The following SLC38A1 variants were observed in gnomAD, a reference collection of about 807,000 sequenced individuals.
The protein encoded by SLC38A1 is sodium-coupled neutral amino acid symporter 1.
SLC38A1 carries 18 observed loss-of-function variants against 60.3 expected under a neutral mutation model. The observed-to-expected ratio is 0.30, with a 90% CI of 0.21 to 0.44. SLC38A1 has a LOEUF of 0.44. Among genes scored for constraint, SLC38A1 ranks in the 20% least tolerant of loss-of-function variants. SLC38A1 has a pLI of 1.00. For synonymous variants in SLC38A1, 196 were observed against 212.1 expected, an observed-to-expected ratio of 0.92 and a Z score of 0.66; for missense variants, 448 against 587.2, an observed-to-expected ratio of 0.76 and a Z score of 2.45.
At chr12:46,227,356 T>C (rs1241893378) in intron 5 of SLC38A1, among the ~76,000 whole-genome samples, 1 of 152,192 alleles carries the variant, frequency 6.6e-6, no homozygotes, top group Non-Finnish European at 1.5e-5. Context: ...ACAATGGATC[T>C]AGCAAAGAAG....
intron 1 of SLC38A1, among the ~76,000 whole-genome samples, chr12:46,255,934 C>T (rs761960946): frequency 5.3e-5 from 8 of 151,938 alleles, no homozygotes; most frequent in African/African-American, 9.7e-5. Context: ...GAGGCCGAGG[C>T]GGGTGGATCA....
At chr12:46,223,874 T>G (rs1940760106) in intron 5 of SLC38A1, among the ~76,000 whole-genome samples, 1 of 152,198 alleles carries the variant, frequency 6.6e-6, no homozygotes, top group Admixed American at 6.5e-5. Context: ...TAAAAAGCAT[T>G]TATTGCTTTA....
In SLC38A1 at chr12:46,229,624, A is replaced by G. The variant is rs767589121; in HGVS notation, c.138T>C (p.Asp46=). ...TTGTGAGACTTCTTCTACTTTCACG[A>G]TCAGAAATAAACTTGCTGTAAAGAC... ...NGQINSKFIS[D]RESRRSLTNS... is the part of the protein sequence containing the mutation. Residue 46 remains aspartate (D), a synonymous_variant, in exon 4 of 17, where the codon GAT becomes GAC. Transcript: ENST00000398637. 6.2e-7 allele frequency: 1 copy of G among 1,613,570 alleles called. No individual in the cohort carries two copies. Among genetic ancestry groups the G allele is most frequent in the East Asian group, 2.2e-5 (1 of 44,834 alleles).
intron 3 of SLC38A1, among the ~76,000 whole-genome samples, chr12:46,235,401 A>C (rs1212106144): frequency 6.6e-6 from 1 of 152,220 alleles, no homozygotes; most frequent in African/African-American, 2.4e-5. Context: ...AAAAAGGAGA[A>C]TAAAATGAAA....
At chr12:46,250,693 AACAG>A (rs1490459104) in intron 1 of SLC38A1, among the ~76,000 whole-genome samples, 6 of 152,178 alleles carry the variant, frequency 3.9e-5, no homozygotes, top group African/African-American at 7.2e-5. Flanking sequence ...ATAAACCAAT[AACAG>A]ACAGACAAAC....
chr12:46,260,365 C>T (rs1942160599), intron 1 of SLC38A1, among the ~76,000 whole-genome samples: 2 of 152,162 alleles, frequency 1.3e-5, no homozygotes, highest in Admixed American at 1.3e-4. Flanking sequence ...GATCTTTCTT[C>T]CCAGTCTTTT....
intron 5 of SLC38A1, among the ~76,000 whole-genome samples, chr12:46,222,281 CAA>C (rs1940690529): frequency 6.6e-6 from 1 of 151,620 alleles, no homozygotes; most frequent in South Asian, 2.1e-4. Context: ...AAAATAAATT[CAA>C]AGAGTCTAAA....
Position 46,197,803 on chromosome 12 carries a change from T to C in SLC38A1, c.1279A>G (p.Asn427Asp), listed in dbSNP as rs1939450250. The C allele has an allele frequency of 1.9e-6, 3 of 1,601,672 alleles. No homozygotes were observed. Among genetic ancestry groups the C allele is most frequent in the African/African-American group, 2.7e-5 (2 of 73,976 alleles). The part of the protein sequence containing the change: ...IFGVVGVTSA[N>D]MLIFILPSSL... ...GAAGGAAGAATGAAAATAAGCATGT[T>C]AGCAGATGTAACTCCTGTAAAATAA... The change falls in exon 16 of 17, where the codon AAC becomes GAC. Residue 427 changes from asparagine (N) to aspartate (D), a missense_variant. Physicochemically the swap from Asn to Asp is conservative, Grantham distance 23. Transcript: ENST00000398637.
chr12:46,229,439 G>T, intron 4 of SLC38A1, 125 bp downstream of exon 4: 1 of 831,472 alleles, frequency 1.2e-6, no homozygotes, highest in Non-Finnish European at 2.0e-6. Context: ...AATACATAAG[G>T]TATGAGGAAT....
chr12:46,231,700 G>C (rs1229204539), intron 3 of SLC38A1, among the ~76,000 whole-genome samples: 1 of 152,176 alleles, frequency 6.6e-6, no homozygotes, highest in Non-Finnish European at 1.5e-5. Context: ...CAGTCACCCA[G>C]GCTGCAGTGC....
intron 1 of SLC38A1, among the ~76,000 whole-genome samples, chr12:46,252,369 C>T (rs879490208): frequency 2.3e-4 from 35 of 151,902 alleles, no homozygotes; most frequent in African/African-American, 6.8e-4. Flanking sequence ...GATAGCATTA[C>T]GAGAAATACC....
chr12:46,235,012 GAATTTAATTAACCATTAGGT>G lies in SLC38A1; in HGVS notation c.122+4647_122+4666del, dbSNP rs1392117603. ...TGGGTGTGTCTGTACCCATAAAACA[GAATTTAATTAACCATTAGGT>G]AGCCAATTGCTCTGTGAACAAACAA... On this transcript the variant is annotated intron_variant, in intron 3 of 16. Coordinates refer to ENST00000398637, the MANE Select transcript of SLC38A1 (RefSeq NM_030674.4). Among the ~76,000 whole-genome samples, 4 of 152,244 alleles carry G rather than the reference GAATTTAATTAACCATTAGGT, an allele frequency of 2.6e-5. No individual in the cohort carries two copies. In the East Asian group the frequency reaches 7.7e-4, roughly 29 times the overall value.
intron 16 of SLC38A1, among the ~76,000 whole-genome samples, chr12:46,193,618 T>C (rs1939238363): frequency 6.6e-6 from 1 of 152,196 alleles, no homozygotes; most frequent in Admixed American, 6.5e-5. Context: ...GGTGCTCCTG[T>C]ATTGGGTGCA....
intron 3 of SLC38A1, among the ~76,000 whole-genome samples, chr12:46,230,095 C>A (rs1272593566): frequency 6.6e-6 from 1 of 152,058 alleles, no homozygotes; most frequent in Admixed American, 6.5e-5. Flanking sequence ...TACTATAAAC[C>A]TGGTATTTAA....
intron 5 of SLC38A1, among the ~76,000 whole-genome samples, chr12:46,226,377 GA>G (rs750321997): frequency 2.0e-5 from 3 of 151,552 alleles, no homozygotes; most frequent in Non-Finnish European, 4.4e-5. Flanking sequence ...ATATTAAAAA[GA>G]AACATTCTTA....
intron 1 of SLC38A1, among the ~76,000 whole-genome samples, chr12:46,253,054 A>ATAT (rs1290107289): frequency 3.9e-5 from 6 of 151,934 alleles, no homozygotes; most frequent in Non-Finnish European, 8.8e-5. Flanking sequence ...GTTGTTATAA[A>ATAT]GAGTTTGGGG....
intron 5 of SLC38A1, among the ~76,000 whole-genome samples, chr12:46,225,021 G>T (rs1261622935): frequency 1.3e-5 from 2 of 152,168 alleles, no homozygotes; most frequent in Non-Finnish European, 2.9e-5. Context: ...TGAATACAAG[G>T]ACTTACTCCC....
rs140845885 is a variant in SLC38A1 at position 46,256,115 on chromosome 12, G to T, written c.-209+12411C>A. Among the ~76,000 whole-genome samples the T allele has an allele frequency of 3.1e-4, 46 of 146,986 alleles. 1 individual carries two copies. Among genetic ancestry groups the T allele is most frequent in the African/African-American group, 1.1e-3 (42 of 39,446 alleles). On this transcript the variant is annotated intron_variant, in intron 1 of 16. Transcript: ENST00000398637. ...TAGGAGGCAGAGCTTACAGTGAATC[G>T]AGATCACGCCACTGCACTCCAGCCT...
chr12:46,225,833 G>A (rs1208564545), intron 5 of SLC38A1, among the ~76,000 whole-genome samples: 2 of 152,050 alleles, frequency 1.3e-5, no homozygotes, highest in African/African-American at 2.4e-5. Flanking sequence ...GTACCTCAGG[G>A]ATACAAACAG....
Sources: allele counts gnomAD v4.1 joint callset (sites outside exome capture counted in the v4.1 genomes callset), GRCh38; gene constraint gnomAD v4.1.1; transcripts MANE v1.5; gene names NCBI Gene and HGNC (gene_info 2026-07-23, HGNC 2026-07-21).